RFC2: variants seen among roughly 807,000 people sequenced by gnomAD.
RFC2 encodes A1 40 kDa subunit.
In RFC2, 34 loss-of-function variants were observed where a neutral mutation model predicts 44.8. The ratio of observed to expected loss-of-function variants is 0.76; its 90% CI spans 0.58 to 1.01. RFC2 has a LOEUF of 1.01. RFC2 is among the 50% of genes least tolerant of loss of function. The pLI, the probability that RFC2 is intolerant of heterozygous loss-of-function variation, is 0.00. For missense variants in RFC2, 400 were observed against 453.6 expected (o/e 0.88, Z 1.07); for synonymous variants, 177 against 168.9 (o/e 1.05, Z -0.37).
At chr7:74,246,539 T>C (rs1396728368) in intron 5 of RFC2, 123 bp downstream of exon 5, 1 of 584,470 alleles carries the variant, frequency 1.7e-6, no homozygotes, top group Non-Finnish European at 3.0e-6. Context: ...AGGCCCCTAT[T>C]AAATTGCTTG....
rs1554719026 is a variant in RFC2, at chr7:74,240,044, G to A, written c.587C>T (p.Ala196Val). ...ATTCATCAGCCTGGTGAGGATCTGG[G>A]CGTCGGTCAGCTTTGTGTACCGGAG... is the stretch of plus-strand genomic sequence containing the variant. The part of the protein sequence containing the change: ...AVLRYTKLTD[A>V]QILTRLMNVI... Residue 196 changes from alanine to valine, a missense_variant, in exon 7 of 11, where the codon GCC (alanine) becomes GTC (valine). Transcript: ENST00000055077. The A allele has an allele frequency of 2.5e-6, 4 of 1,614,106 alleles. No individual in the cohort carries two copies. The highest frequency in any genetic ancestry group is 4.5e-5 in the East Asian group (2 of 44,888).
chr7:74,239,101 G>C (rs1563989143), intron 7 of RFC2, 113 bp from the exon 8 acceptor site: 1 of 783,346 alleles, frequency 1.3e-6, no homozygotes, highest in East Asian at 2.8e-5. Flanking sequence ...GGGCTTAAGC[G>C]ATTCTCCCAC....
chr7:74,250,077 T>C (rs1033993447), intron 2 of RFC2, among the ~76,000 whole-genome samples: 1 of 150,220 alleles, frequency 6.7e-6, no homozygotes, highest in African/African-American at 2.5e-5. Flanking sequence ...CGGTTGAGCC[T>C]GAGAAGTGGA....
chr7:74,246,577 T>A (rs3135670), intron 5 of RFC2, 85 bp downstream of exon 5: 5 of 858,264 alleles, frequency 5.8e-6, no homozygotes, highest in Non-Finnish European at 9.3e-6. Flanking sequence ...AAATCTACCA[T>A]AAAAGTGCTT....
chr7:74,252,586 T>TA, intron 1 of RFC2, 88 bp from the exon 2 acceptor site: 3 of 804,122 alleles, frequency 3.7e-6, no homozygotes, highest in South Asian at 2.8e-5. Flanking sequence ...AGAGCTTTGT[T>TA]AAAAAATTAC....
At chr7:74,232,267 T>C (rs1802774145) in intron 10 of RFC2, 51 bp from the exon 11 acceptor site, 1 of 971,268 alleles carries the variant, frequency 1.0e-6, no homozygotes. Flanking sequence ...GGAGTTCTTT[T>C]TTAAAATCTG....
intron 10 of RFC2, among the ~76,000 whole-genome samples, chr7:74,234,958 C>T (rs571610593): frequency 6.6e-6 from 1 of 152,194 alleles, no homozygotes; most frequent in Non-Finnish European, 1.5e-5. Flanking sequence ...GACACAGCCT[C>T]CCTCCCACTG....
At chr7:74,241,224 C>A (rs948318095) in intron 6 of RFC2, among the ~76,000 whole-genome samples, 3 of 152,158 alleles carry the variant, frequency 2.0e-5, no homozygotes, top group Non-Finnish European at 4.4e-5. Context: ...AGCCACTGTG[C>A]CCTGCCAAAT....
intron 5 of RFC2, 132 bp downstream of exon 5, chr7:74,246,530 G>C (rs1218252971): frequency 5.5e-6 from 3 of 549,866 alleles, no homozygotes; most frequent in Admixed American, 3.4e-5. Flanking sequence ...TTAAGGTGCA[G>C]GCCCCTATTA....
intron 5 of RFC2, among the ~76,000 whole-genome samples, 185 bp downstream of exon 5, chr7:74,246,477 T>G (rs1257652787): frequency 6.6e-6 from 1 of 152,072 alleles, no homozygotes; most frequent in Non-Finnish European, 1.5e-5. Flanking sequence ...AATGAATGAC[T>G]ATCTTAGACA....
chr7:74,249,343 C>T (rs926674333), intron 3 of RFC2: 2 of 631,694 alleles, frequency 3.2e-6, no homozygotes, highest in Non-Finnish European at 5.3e-6. Context: ...GAGTTCAAGA[C>T]CAGACTGGCC....
chr7:74,235,758 C>T, intron 9 of RFC2, 113 bp from the exon 10 acceptor site: 1 of 711,834 alleles, frequency 1.4e-6, no homozygotes, highest in South Asian at 1.5e-5. Context: ...ATGGGGGTAC[C>T]TTAACTGATT....
intron 4 of RFC2, among the ~76,000 whole-genome samples, chr7:74,247,919 T>C (rs1803716029): frequency 1.3e-5 from 2 of 152,164 alleles, no homozygotes. Context: ...TGAAATGGTA[T>C]AGTATTTGCA....
Position 74,240,014 on chromosome 7 carries a change from A to G in RFC2, c.617T>C (p.Ile206Thr), listed in dbSNP as rs782293781. 2 of 1,614,004 alleles carry G rather than the reference A, an allele frequency of 1.2e-6. No homozygotes were observed. Among genetic ancestry groups the G allele is most frequent in the East Asian group, 2.2e-5 (1 of 44,858 alleles). ...AGTGTAGGGTACCCTCTCCTTCTCG[A>G]TAACATTCATCAGCCTGGTGAGGAT... ...AQILTRLMNVIEKERVPYTDD... is the reference protein window; with the variant it reads ...AQILTRLMNVTEKERVPYTDD... The change falls in exon 7 of 11, where the codon ATC becomes ACC. Residue 206 changes from isoleucine (I) to threonine (T), a missense_variant. By Grantham distance (89) the Ile-to-Thr change is moderately conservative. Coordinates refer to ENST00000055077, the MANE Select transcript of RFC2 (RefSeq NM_181471.3).
At chr7:74,234,876 G>A (rs1227047728) in intron 10 of RFC2, among the ~76,000 whole-genome samples, 2 of 152,128 alleles carry the variant, frequency 1.3e-5, no homozygotes, top group African/African-American at 4.8e-5. Context: ...AGAACTGTGA[G>A]CCAAATCAAC....
rs782237746 is a variant in RFC2 at position 74,237,343 on chromosome 7, C to CG, written c.840+18dup. 4.4e-6 allele frequency: 7 copies of CG among 1,585,060 alleles called. No individual in the cohort carries two copies. Among genetic ancestry groups the CG allele is most frequent in the Admixed American group, 1.8e-5 (1 of 56,060 alleles). On this transcript the variant is annotated intron_variant, in intron 9 of 10. Coordinates refer to ENST00000055077, the MANE Select transcript of RFC2 (RefSeq NM_181471.3). ...GAAGTGAGCGGTTCCTCTGCCAGGA[C>CG]GGGGGGAAGGAGGCCAACCTTGTAG...
chr7:74,241,425 T>C (rs1431685487), intron 6 of RFC2, among the ~76,000 whole-genome samples: 2 of 152,206 alleles, frequency 1.3e-5, no homozygotes, highest in African/African-American at 4.8e-5. Flanking sequence ...GGGAAAAGAA[T>C]GCAAAGGATT....
At chr7:74,246,204 A>T (rs1803595322) in intron 5 of RFC2, among the ~76,000 whole-genome samples, 1 of 151,348 alleles carries the variant, frequency 6.6e-6, no homozygotes, top group South Asian at 2.1e-4. Flanking sequence ...TCAAAAAAAA[A>T]ATAAATAAAT....
chr7:74,250,857 C>G (rs1327332708), intron 2 of RFC2, among the ~76,000 whole-genome samples: 1 of 152,030 alleles, frequency 6.6e-6, no homozygotes, highest in African/African-American at 2.4e-5. Flanking sequence ...GGCACAATCT[C>G]GGCTCACTGC....
Sources: gnomAD v4.1 joint callset for allele counts (sites outside exome capture counted in the v4.1 genomes callset) on GRCh38, gnomAD v4.1.1 for gene constraint, MANE v1.5 for transcripts, NCBI Gene and HGNC (gene_info 2026-07-23, HGNC 2026-07-21) for gene names.